Variants in MMP7 observed in about 807,000 individuals in gnomAD.
MMP7 encodes matrix metallopeptidase 7, also known as matrilysin.
Under a neutral mutation model 31.5 loss-of-function variants are expected in MMP7, and 26 were observed. The ratio of observed to expected loss-of-function variants is 0.83; its 90% CI spans 0.61 to 1.15. The LOEUF is 1.15. Among genes scored for constraint, MMP7 ranks in the 50% most tolerant of loss-of-function variants. MMP7 has a pLI of 0.00. For synonymous variants in MMP7, 142 were observed against 124.2 expected, an observed-to-expected ratio of 1.14 and a Z score of -0.95; for missense variants, 367 against 326.5, an observed-to-expected ratio of 1.12 and a Z score of -0.96.
chr11:102,526,214 T>TAAAA (rs10565156), intron 3 of MMP7, among the ~76,000 whole-genome samples: 35 of 124,012 alleles, frequency 2.8e-4, no homozygotes, highest in African/African-American at 4.6e-4. Context: ...AAAACCCACG[T>TAAAA]AAAAAAAAAA....
intron 5 of MMP7, among the ~76,000 whole-genome samples, chr11:102,522,122 C>G (rs1591591479): frequency 6.6e-6 from 1 of 152,200 alleles, no homozygotes; most frequent in Non-Finnish European, 1.5e-5. Context: ...GTTTCTTGAA[C>G]TTATTTCTCC....
intron 3 of MMP7, among the ~76,000 whole-genome samples, chr11:102,526,308 T>C (rs1858672492): frequency 2.6e-5 from 4 of 151,230 alleles, no homozygotes; most frequent in Non-Finnish European, 5.9e-5. Flanking sequence ...GGTGTGACCT[T>C]GGCTCATTGC....
intron 4 of MMP7, chr11:102,524,139 T>C (rs1858643307): frequency 6.6e-6 from 1 of 152,156 alleles, no homozygotes. Context: ...TTAACCTACC[T>C]TAAGTGGGAA....
At chr11:102,524,750 G>A in intron 4 of MMP7, 186 bp downstream of exon 4, 1 of 482,756 alleles carries the variant, frequency 2.1e-6, no homozygotes, top group Non-Finnish European at 3.1e-6. Context: ...CATAGCCTGA[G>A]TGTCCATCTT....
chr11:102,527,770 C>T lies in MMP7; in HGVS notation c.322G>A (p.Val108Met), dbSNP rs765391206. The T allele has an allele frequency of 1.7e-5, 27 of 1,614,074 alleles. No individual in the cohort carries two copies. Among genetic ancestry groups the T allele is most frequent in the Non-Finnish European group, 2.5e-6 (3 of 1,180,034 alleles). The change falls in exon 2 of 6, where the codon GTG (valine) becomes ATG (methionine). Residue 108 changes from valine to methionine, a missense_variant. Coordinates refer to ENST00000260227, the MANE Select transcript of MMP7 (RefSeq NM_002423.5). ...FPNSPKWTSK[V>M]VTYRIVSYTR... ...AGCAAAACTAACCTGTAGGTGACCA[C>T]TTTGGAAGTCCATTTTGGGCTATTT...
chr11:102,527,690 A>C lies in MMP7; in HGVS notation c.336-18T>G. On this transcript the variant is annotated intron_variant, in intron 2 of 5. Transcript: ENST00000260227. ...ATACGATCCTAGTAGCAAACAAGAA[A>C]ACAATGTTTGACCCCTAGGAAACAG... The C allele has an allele frequency of 6.2e-7, 1 of 1,609,712 alleles. No homozygotes were observed. The highest frequency in any genetic ancestry group is 8.5e-7 in the Non-Finnish European group (1 of 1,177,182).
chr11:102,522,257 T>C (rs17880914), intron 5 of MMP7, among the ~76,000 whole-genome samples: 7,116 of 152,308 alleles, frequency 0.047, 210 homozygotes, highest in Non-Finnish European at 0.065. Flanking sequence ...TACTGGAATA[T>C]TTCTCCCCTG....
intron 5 of MMP7, among the ~76,000 whole-genome samples, chr11:102,522,744 G>A (rs1858626786): frequency 6.6e-6 from 1 of 152,228 alleles, no homozygotes; most frequent in Non-Finnish European, 1.5e-5. Flanking sequence ...TGGGGCAAGG[G>A]ATATACATAA....
At chr11:102,521,746 C>T (rs1407084014) in intron 5 of MMP7, among the ~76,000 whole-genome samples, 1 of 152,156 alleles carries the variant, frequency 6.6e-6, no homozygotes, top group Non-Finnish European at 1.5e-5. Context: ...AATCAGCATG[C>T]CTCAGACCTT....
In MMP7 at chr11:102,527,884, T is replaced by C. The variant is rs756804579; in HGVS notation, c.208A>G (p.Ile70Val). 3.7e-6 allele frequency: 6 copies of C among 1,614,066 alleles called. No individual in the cohort carries two copies. Among genetic ancestry groups the C allele is most frequent in the East Asian group, 4.5e-5 (2 of 44,898 alleles). Residue 70 changes from isoleucine (I) to valine (V), a missense_variant, in exon 2 of 6, where the codon ATA becomes GTA. By Grantham distance (29) the Ile-to-Val change is conservative (BLOSUM62 3). Coordinates refer to ENST00000260227, the MANE Select transcript of MMP7 (RefSeq NM_002423.5). ...KEMQKFFGLP[I>V]TGMLNSRVIE... ...ACGCGGGAGTTTAACATTCCAGTTA[T>C]AGGTAGGCCAAAGAATTTTTGCATC...
intron 5 of MMP7, among the ~76,000 whole-genome samples, chr11:102,522,242 T>G (rs1591591507): frequency 2.0e-5 from 3 of 152,228 alleles, no homozygotes; most frequent in Admixed American, 2.0e-4. Context: ...TTAAATCCAG[T>G]GTCTTACTGG....
At chr11:102,525,680 C>A (rs929380002) in intron 3 of MMP7, among the ~76,000 whole-genome samples, 4 of 151,610 alleles carry the variant, frequency 2.6e-5, no homozygotes, top group Non-Finnish European at 5.9e-5. Context: ...TAAATTTGAC[C>A]ACTTTGCTCG....
chr11:102,526,232 ATATATATATT>A (rs1389220174), intron 3 of MMP7, among the ~76,000 whole-genome samples: 2 of 132,722 alleles, frequency 1.5e-5, no homozygotes, highest in South Asian at 4.8e-4. Context: ...AAAAATATAT[ATATATATATT>A]TTTTTTTTTT....
rs17098295 is a variant in MMP7 at position 102,524,901 on chromosome 11, C to T, written c.613+35G>A. The T allele has an allele frequency of 2.9e-3, 4,573 of 1,585,236 alleles. 141 individuals carry two copies. The African/African-American group carries it at 0.055, about 19-fold the overall frequency. ...TTAGTGTAAGTCCAGGATTTTAAAA[C>T]GGATGTGGAGTAGAAGAGACATGAG... On this transcript the variant is annotated intron_variant, in intron 4 of 5. Transcript: ENST00000260227.
chr11:102,530,729 G>A lies in MMP7; in HGVS notation c.-29C>T. On this transcript the variant is annotated 5_prime_UTR_variant, in exon 1 of 6. Transcript: ENST00000260227. Reference sequence around the variant, plus strand: ...TGCCGTCCAGAGACAATTGTTCTTGGACCTATGGTTGATTTGGTGTTTTCT... The same window carrying A: ...TGCCGTCCAGAGACAATTGTTCTTGAACCTATGGTTGATTTGGTGTTTTCT... 8 of 1,594,848 alleles carry A rather than the reference G, an allele frequency of 5.0e-6. No homozygotes were observed. In the South Asian group the frequency reaches 8.9e-5, roughly 18 times the overall value.
At chr11:102,526,804 C>A (rs1185534136) in intron 3 of MMP7, among the ~76,000 whole-genome samples, 1 of 152,118 alleles carries the variant, frequency 6.6e-6, no homozygotes, top group Non-Finnish European at 1.5e-5. Context: ...ATTCCTATAG[C>A]CTAGTGATAT....
chr11:102,527,702 C>CT (rs3216144), intron 2 of MMP7, 30 bp from the exon 3 acceptor site: 332,331 of 1,612,486 alleles, frequency 0.21, 36,924 homozygotes, highest in Non-Finnish European at 0.23. Context: ...CAATGTTTGA[C>CT]CCCTAGGAAA....
At chr11:102,529,147 G>T (rs1009267625) in intron 1 of MMP7, among the ~76,000 whole-genome samples, 1 of 152,154 alleles carries the variant, frequency 6.6e-6, no homozygotes, top group East Asian at 1.9e-4. Context: ...GGAGTAGATG[G>T]TAATGGTTAC....
chr11:102,525,118 C>A, intron 3 of MMP7, 54 bp from the exon 4 acceptor site: 1 of 1,563,692 alleles, frequency 6.4e-7, no homozygotes, highest in South Asian at 1.2e-5. Flanking sequence ...TTTCTCCAGT[C>A]ATTTTATTTT....
Sources: gnomAD v4.1 joint callset for allele counts (sites outside exome capture counted in the v4.1 genomes callset) on GRCh38, gnomAD v4.1.1 for gene constraint, MANE v1.5 for transcripts, NCBI Gene and HGNC (gene_info 2026-07-23, HGNC 2026-07-21) for gene names.